EYS: variants seen among roughly 807,000 people sequenced by gnomAD.
EYS encodes the protein EGF-like photoreceptor maintenance factor.
EYS carries 250 observed loss-of-function variants against 282.1 expected under a neutral mutation model. That is an observed-to-expected ratio of 0.89 (90% CI 0.80 to 0.98). EYS has a LOEUF of 0.98. Among genes scored for constraint, EYS ranks in the 50% least tolerant of loss-of-function variants. The pLI is 0.00. For synonymous variants in EYS, 1,355 were observed against 1,282.9 expected (o/e 1.06, Z -1.20); for missense variants, 4,016 against 3,709.0 (o/e 1.08, Z -2.15).
At chr6:64,848,651 T>A (rs1277384485) in intron 19 of EYS, among the ~76,000 whole-genome samples, 1 of 152,080 alleles carries the variant, frequency 6.6e-6, no homozygotes, top group East Asian at 1.9e-4. Flanking sequence ...AGGATAAATG[T>A]CTTAGTTGTA....
intron 30 of EYS, among the ~76,000 whole-genome samples, chr6:64,285,027 C>G (rs1221485260): frequency 6.6e-6 from 1 of 152,154 alleles, no homozygotes; most frequent in Non-Finnish European, 1.5e-5. Context: ...ACATTCAGCT[C>G]CTTGTCACTT....
chr6:64,916,568 GA>G (rs1768171754), intron 15 of EYS, among the ~76,000 whole-genome samples: 1 of 152,190 alleles, frequency 6.6e-6, no homozygotes, highest in Non-Finnish European at 1.5e-5. Context: ...GTGGGAAAAG[GA>G]AAACATATTT....
At chr6:64,020,569 G>A (rs192797279) in intron 33 of EYS, among the ~76,000 whole-genome samples, 499 of 152,108 alleles carry the variant, frequency 3.3e-3, no homozygotes, top group Non-Finnish European at 5.4e-3. Context: ...GAAAAGAAAT[G>A]GTAAAAATTA....
intron 31 of EYS, among the ~76,000 whole-genome samples, chr6:64,093,933 A>G (rs1455849037): frequency 6.6e-6 from 1 of 152,200 alleles, no homozygotes; most frequent in Non-Finnish European, 1.5e-5. Context: ...CGCCCCATCA[A>G]TAACTACTTT....
chr6:64,836,243 AT>A (rs1392818444), intron 19 of EYS, among the ~76,000 whole-genome samples: 1 of 150,970 alleles, frequency 6.6e-6, no homozygotes, highest in East Asian at 1.9e-4. Flanking sequence ...TGATTGCAAA[AT>A]ATATACATTC....
At chr6:65,220,028 T>A (rs916511279) in intron 12 of EYS, among the ~76,000 whole-genome samples, 1 of 152,092 alleles carries the variant, frequency 6.6e-6, no homozygotes, top group Non-Finnish European at 1.5e-5. Context: ...ACCATATCAA[T>A]AATTGTATCT....
intron 22 of EYS, among the ~76,000 whole-genome samples, chr6:64,788,196 A>G (rs1369456648): frequency 6.6e-6 from 1 of 152,152 alleles, no homozygotes; most frequent in Non-Finnish European, 1.5e-5. Flanking sequence ...ACAGAATTTT[A>G]AGGATCTGGT....
chr6:65,618,404 G>A (rs558468176), intron 2 of EYS, among the ~76,000 whole-genome samples: 5 of 152,278 alleles, frequency 3.3e-5, no homozygotes, highest in South Asian at 4.1e-4. Flanking sequence ...GGGGCTGTTT[G>A]TTTTTTTCTT....
intron 30 of EYS, among the ~76,000 whole-genome samples, chr6:64,260,460 G>A (rs575052880): frequency 2.6e-5 from 4 of 152,090 alleles, no homozygotes; most frequent in African/African-American, 9.6e-5. Flanking sequence ...CTTTGATAAT[G>A]GCAATGGGAT....
intron 35 of EYS, among the ~76,000 whole-genome samples, chr6:63,928,851 C>T (rs1468898110): frequency 6.6e-6 from 1 of 152,168 alleles, no homozygotes; most frequent in East Asian, 1.9e-4. Context: ...AGGGGGCCTG[C>T]ACATTGAAGG....
chr6:64,821,705 A>G lies in EYS; in HGVS notation c.3183T>C (p.Asn1061=), dbSNP rs1004230248. The change falls in exon 21 of 43, where the codon AAT becomes AAC. Residue 1061 remains asparagine (N), a synonymous_variant. Coordinates refer to ENST00000503581, the MANE Select transcript of EYS (RefSeq NM_001142800.2). ...CLHGRCTELI[N]EYPCSCDADG... ...CTGCATCACATGAACATGGATATTC[A>G]TTAATAAGTTCTGTGCACCTGAAAC... 2 of 1,524,312 alleles carry G rather than the reference A, an allele frequency of 1.3e-6. No individual in the cohort carries two copies. Among genetic ancestry groups the G allele is most frequent in the Non-Finnish European group, 8.9e-7 (1 of 1,125,092 alleles). The allele number at this position is 1,524,312 out of a possible 1,614,324, so 94.4% of individuals were successfully genotyped here. A position where few individuals can be genotyped will look rare whatever the true frequency, so the allele number is the denominator to read the frequency against.
chr6:65,635,555 C>T (rs915794240), intron 2 of EYS, among the ~76,000 whole-genome samples: 2 of 152,132 alleles, frequency 1.3e-5, no homozygotes, highest in African/African-American at 4.8e-5. Flanking sequence ...TTCAAGCAAT[C>T]CTCCCACCTT....
intron 7 of EYS, among the ~76,000 whole-genome samples, chr6:65,392,661 G>A (rs1286208422): frequency 6.6e-6 from 1 of 152,154 alleles, no homozygotes; most frequent in African/African-American, 2.4e-5. Flanking sequence ...TCATTAAAAA[G>A]TCAGGAAACA....
At chr6:65,394,435 AC>A (rs1766186184) in intron 7 of EYS, among the ~76,000 whole-genome samples, 1 of 151,948 alleles carries the variant, frequency 6.6e-6, no homozygotes, top group Non-Finnish European at 1.5e-5. Context: ...GTGATCAGAG[AC>A]CCTAGGAAGC....
At chr6:65,139,652 T>A (rs949836821) in intron 12 of EYS, among the ~76,000 whole-genome samples, 1 of 152,062 alleles carries the variant, frequency 6.6e-6, no homozygotes. Flanking sequence ...GAAACTAGAC[T>A]TCTACCCATG....
intron 2 of EYS, among the ~76,000 whole-genome samples, chr6:65,518,480 T>C (rs961469110): frequency 3.3e-5 from 5 of 152,148 alleles, no homozygotes; most frequent in African/African-American, 7.2e-5. Flanking sequence ...AAGAAGGAAA[T>C]AGACATTTTG....
At chr6:65,232,375 T>C (rs2150269102) in intron 12 of EYS, among the ~76,000 whole-genome samples, 2 of 152,266 alleles carry the variant, frequency 1.3e-5, no homozygotes, top group Middle Eastern at 6.8e-3. Flanking sequence ...TGTGATCTAC[T>C]GTATTAATGG....
intron 33 of EYS, among the ~76,000 whole-genome samples, chr6:63,999,595 T>C (rs1219669946): frequency 6.6e-6 from 1 of 152,078 alleles, no homozygotes; most frequent in African/African-American, 2.4e-5. Context: ...GAATTTCCCC[T>C]CCCTGGCCTA....
intron 11 of EYS, chr6:65,332,279 G>C (rs575923834): frequency 1.5e-6 from 1 of 688,258 alleles, no homozygotes; most frequent in African/African-American, 1.8e-5. Context: ...TTATTCTATT[G>C]ATACATTAAA....
Sources: allele counts gnomAD v4.1 joint callset (sites outside exome capture counted in the v4.1 genomes callset), GRCh38; gene constraint gnomAD v4.1.1; transcripts MANE v1.5; gene names NCBI Gene and HGNC (gene_info 2026-07-23, HGNC 2026-07-21).